NCALD: variants seen among roughly 807,000 people sequenced by gnomAD.
The protein encoded by NCALD is neurocalcin delta, also known as neurocalcin-delta.
Under a neutral mutation model 18.6 loss-of-function variants are expected in NCALD, and 10 were observed. The ratio of observed to expected loss-of-function variants is 0.54; its 90% CI spans 0.33 to 0.91. The LOEUF (loss-of-function observed/expected upper bound fraction) is 0.91. Ranked by LOEUF, NCALD falls within the 40% of genes least tolerant of loss-of-function variation. NCALD has a pLI of 0.03. For missense variants in NCALD, 184 were observed against 247.6 expected (o/e 0.74, Z 1.72); for synonymous variants, 88 against 87.4 (o/e 1.01, Z -0.04).
chr8:101,880,924 C>T (rs1173277401), intron 4 of NCALD, among the ~76,000 whole-genome samples: 1 of 152,172 alleles, frequency 6.6e-6, no homozygotes, highest in Non-Finnish European at 1.5e-5. Context: ...AAGCCAGTTA[C>T]TAGAGGGCCT....
At chr8:101,788,451 G>A (rs1379284973) in intron 1 of NCALD, among the ~76,000 whole-genome samples, 1 of 152,134 alleles carries the variant, frequency 6.6e-6, no homozygotes, top group Non-Finnish European at 1.5e-5. Context: ...TAGATATCCT[G>A]AAATATCTTT....
At chr8:102,109,283 C>T (rs752570480) in intron 1 of NCALD, among the ~76,000 whole-genome samples, 6 of 149,002 alleles carry the variant, frequency 4.0e-5, no homozygotes, top group Non-Finnish European at 7.4e-5. Context: ...GTATAACTTG[C>T]TTTATGGAAA....
intron 1 of NCALD, among the ~76,000 whole-genome samples, chr8:102,023,534 T>C (rs891690731): frequency 6.6e-6 from 1 of 152,248 alleles, no homozygotes; most frequent in African/African-American, 2.4e-5. Context: ...AGGGGGAATC[T>C]AGCAGGGGCA....
At chr8:102,077,113 C>A (rs895438174) in intron 1 of NCALD, among the ~76,000 whole-genome samples, 11 of 152,204 alleles carry the variant, frequency 7.2e-5, no homozygotes, top group African/African-American at 2.4e-4. Flanking sequence ...TCTATTCTTT[C>A]CCTGTCTCTC....
At chr8:101,919,730 T>C (rs1818096908) in intron 2 of NCALD, among the ~76,000 whole-genome samples, 1 of 149,524 alleles carries the variant, frequency 6.7e-6, no homozygotes, top group Non-Finnish European at 1.5e-5. Context: ...TGAACAGACA[T>C]GTCCCAAAAG....
intron 2 of NCALD, among the ~76,000 whole-genome samples, chr8:101,715,014 A>G (rs1471048934): frequency 6.8e-6 from 1 of 147,670 alleles, no homozygotes; most frequent in Non-Finnish European, 1.5e-5. Flanking sequence ...AAAAAAAAAA[A>G]AAGAACAAAG....
At chr8:101,749,201 T>C (rs1180697786) in intron 1 of NCALD, among the ~76,000 whole-genome samples, 2 of 152,238 alleles carry the variant, frequency 1.3e-5, no homozygotes, top group Non-Finnish European at 2.9e-5. Context: ...CTGAAATAAG[T>C]CCATTTGTCT....
chr8:101,846,349 T>C (rs369139595), intron 4 of NCALD, among the ~76,000 whole-genome samples: 1 of 152,232 alleles, frequency 6.6e-6, no homozygotes, highest in Admixed American at 6.5e-5. Context: ...TAATCTTTAA[T>C]TGCAAGATCC....
intron 1 of NCALD, among the ~76,000 whole-genome samples, chr8:101,775,591 A>C (rs572336529): frequency 1.4e-4 from 22 of 151,958 alleles, no homozygotes; most frequent in African/African-American, 5.1e-4. Flanking sequence ...TAGACATTAT[A>C]CCTCTCCCCT....
chr8:101,819,820 A>G (rs1349012717), intron 4 of NCALD, among the ~76,000 whole-genome samples: 2 of 152,184 alleles, frequency 1.3e-5, no homozygotes, highest in East Asian at 3.9e-4. Context: ...AAAGGAGAGA[A>G]CCCACTGTCC....
intron 3 of NCALD, chr8:101,692,454 C>T (rs567189525): frequency 1.0e-6 from 1 of 985,432 alleles, no homozygotes; most frequent in East Asian, 1.1e-4. Context: ...CTGCAGGGAC[C>T]CAGCCTGCTA....
chr8:102,114,125 G>A (rs1825715251), intron 1 of NCALD, among the ~76,000 whole-genome samples: 1 of 152,230 alleles, frequency 6.6e-6, no homozygotes. Flanking sequence ...GTGAAGGGCT[G>A]TCATTCGCTC....
intron 4 of NCALD, among the ~76,000 whole-genome samples, chr8:101,828,223 C>T (rs1814019965): frequency 6.6e-6 from 1 of 152,160 alleles, no homozygotes; most frequent in South Asian, 2.1e-4. Context: ...GTCATGGCCT[C>T]TGCATGGAAG....
chr8:102,107,415 T>G (rs1381077405), intron 1 of NCALD, among the ~76,000 whole-genome samples: 1 of 151,926 alleles, frequency 6.6e-6, no homozygotes, highest in Non-Finnish European at 1.5e-5. Flanking sequence ...ATCAAGGAAT[T>G]AAATCTATAT....
At chr8:101,696,347 A>G (rs1196551501) in intron 2 of NCALD, among the ~76,000 whole-genome samples, 1 of 152,244 alleles carries the variant, frequency 6.6e-6, no homozygotes, top group African/African-American at 2.4e-5. Flanking sequence ...TGTTGAGAAA[A>G]GTGCTAGAAA....
At chr8:101,975,975 A>C (rs1040739418) in intron 2 of NCALD, among the ~76,000 whole-genome samples, 2 of 152,136 alleles carry the variant, frequency 1.3e-5, no homozygotes, top group African/African-American at 4.8e-5. Flanking sequence ...CATAGAAGGC[A>C]TTGGCAGGAG....
intron 3 of NCALD, among the ~76,000 whole-genome samples, chr8:101,897,192 A>C (rs1204073062): frequency 1.5e-5 from 2 of 133,996 alleles, no homozygotes; most frequent in Non-Finnish European, 3.2e-5. Flanking sequence ...AGCCATAAAA[A>C]ATGATGAGTT....
intron 2 of NCALD, among the ~76,000 whole-genome samples, chr8:101,956,402 A>C (rs1239456598): frequency 1.3e-5 from 2 of 152,178 alleles, no homozygotes; most frequent in African/African-American, 4.8e-5. Flanking sequence ...AGAGACACCT[A>C]ATCAGAGTGA....
rs541851999 is a variant in NCALD at position 102,041,134 on chromosome 8, C to T, written c.-209-20845G>A. ...AATAGCATATCTGAGCAAATATCTA[C>T]TTATCTCCTTTCTTTTATTATCTGC... On this transcript the variant is annotated intron_variant, in intron 1 of 6. Coordinates refer to the NCALD transcript ENST00000311028. 2.0e-5 allele frequency among the ~76,000 whole-genome samples: 3 copies of T among 152,326 alleles called. No homozygotes were observed. The East Asian group carries it at 5.8e-4, about 29-fold the overall frequency.
Sources: allele counts gnomAD v4.1 joint callset (sites outside exome capture counted in the v4.1 genomes callset), GRCh38; gene constraint gnomAD v4.1.1; transcripts MANE v1.5; gene names NCBI Gene and HGNC (gene_info 2026-07-23, HGNC 2026-07-21).